LMLN: variants seen among roughly 807,000 people sequenced by gnomAD.
LMLN encodes the protein leishmanolysin like peptidase, also known as leishmanolysin-like peptidase.
In LMLN, 70 loss-of-function variants were observed where a neutral mutation model predicts 92.3. That is an observed-to-expected ratio of 0.76 (90% CI 0.63 to 0.92). The LOEUF (loss-of-function observed/expected upper bound fraction) is 0.92, where lower values mean the gene tolerates loss of function less well. Among genes scored for constraint, LMLN ranks in the 40% least tolerant of loss-of-function variants. The pLI, the probability that LMLN is intolerant of heterozygous loss-of-function variation, is 0.00. For synonymous variants in LMLN, 308 were observed against 296.2 expected (o/e 1.04, Z -0.41); for missense variants, 691 against 814.6 (o/e 0.85, Z 1.85).
At chr3:197,961,129 A>G (rs1005377920) in intron 1 of LMLN, among the ~76,000 whole-genome samples, 2 of 152,218 alleles carry the variant, frequency 1.3e-5, no homozygotes, top group Non-Finnish European at 2.9e-5. Context: ...ATTAAAAAGT[A>G]CATCGTGTCT....
intron 11 of LMLN, among the ~76,000 whole-genome samples, chr3:198,010,931 T>C (rs1722415888): frequency 6.6e-6 from 1 of 152,186 alleles, no homozygotes. Context: ...AATTTTTCTT[T>C]GAGATTCTTC....
chr3:197,984,391 A>G (rs1721640558), intron 7 of LMLN, among the ~76,000 whole-genome samples: 1 of 152,120 alleles, frequency 6.6e-6, no homozygotes, highest in Non-Finnish European at 1.5e-5. Context: ...AAAGATTTAT[A>G]AAGCTTTTTC....
intron 8 of LMLN, among the ~76,000 whole-genome samples, chr3:197,988,017 G>A (rs1721759578): frequency 6.6e-6 from 1 of 152,054 alleles, no homozygotes; most frequent in Admixed American, 6.6e-5. Context: ...CGTTGTAGGA[G>A]TTCTTTATAA....
chr3:198,011,040 T>C (rs6605314), intron 11 of LMLN, among the ~76,000 whole-genome samples: 31,416 of 152,148 alleles, frequency 0.21, 5,239 homozygotes, highest in African/African-American at 0.46. Context: ...GGAGAATATA[T>C]GCTGTATGAT....
At chr3:197,963,783 C>A (rs1720972593) in intron 1 of LMLN, among the ~76,000 whole-genome samples, 1 of 152,138 alleles carries the variant, frequency 6.6e-6, no homozygotes. Context: ...TTTTTTCCCC[C>A]TTATTGCTCT....
chr3:198,038,982 C>CTCATCAGCAACCCAGCCACCT, exon 16 of LMLN: 1 of 297,578 alleles, frequency 3.4e-6, no homozygotes, highest in Non-Finnish European at 6.5e-6. Flanking sequence ...ACCCAACCAC[C>CTCATCAGCAACCCAGCCACCT]TCATCAGCAA....
intron 8 of LMLN, among the ~76,000 whole-genome samples, chr3:197,986,170 C>G (rs1015181674): frequency 1.1e-4 from 16 of 152,160 alleles, no homozygotes; most frequent in Non-Finnish European, 2.1e-4. Flanking sequence ...TCAAAAGCAT[C>G]AAACCTTCCG....
intron 14 of LMLN, among the ~76,000 whole-genome samples, chr3:198,035,525 G>A (rs970174005): frequency 1.3e-5 from 2 of 151,794 alleles, no homozygotes; most frequent in Non-Finnish European, 1.5e-5. Context: ...ACCACGCCCA[G>A]CTAGTTTTTG....
intron 1 of LMLN, among the ~76,000 whole-genome samples, chr3:197,964,912 CAGG>C (rs1294080797): frequency 6.6e-6 from 1 of 150,994 alleles, no homozygotes; most frequent in Non-Finnish European, 1.5e-5. Flanking sequence ...GAGGCTGAGG[CAGG>C]AGAATTGCTT....
At chr3:198,035,062 C>G (rs1202421757) in intron 14 of LMLN, among the ~76,000 whole-genome samples, 1 of 151,846 alleles carries the variant, frequency 6.6e-6, no homozygotes, top group African/African-American at 2.4e-5. Flanking sequence ...ATTAGCCAGG[C>G]ATAGTGGCAC....
chr3:197,984,073 T>C, intron 7 of LMLN, 25 bp downstream of exon 7: 1 of 1,422,380 alleles, frequency 7.0e-7, no homozygotes, highest in Non-Finnish European at 9.9e-7. Context: ...TACTGTTCTT[T>C]CCTTCATGCC....
chr3:197,999,520 T>A, intron 11 of LMLN, 178 bp downstream of exon 11: 1 of 595,050 alleles, frequency 1.7e-6, no homozygotes, highest in South Asian at 2.1e-5. Flanking sequence ...CATTCGTTCA[T>A]TCAATAAATA....
At chr3:198,029,933 C>G (rs1272735925) in intron 14 of LMLN, among the ~76,000 whole-genome samples, 2 of 152,016 alleles carry the variant, frequency 1.3e-5, no homozygotes, top group African/African-American at 4.8e-5. Flanking sequence ...ACCTCCGCTT[C>G]CCAGGTTCAA....
intron 1 of LMLN, among the ~76,000 whole-genome samples, chr3:197,966,239 G>T (rs554259618): frequency 6.6e-6 from 1 of 151,946 alleles, no homozygotes; most frequent in African/African-American, 2.4e-5. Context: ...GACAAGTTTC[G>T]CCATGTTAGC....
chr3:197,980,522 A>T lies in LMLN; in HGVS notation c.728+18A>T. ...ATGGACAGGTAATCTTTCCTCCGGG[A>T]CTTAGTTTCCAAGATCTAATGTGGG... On this transcript the variant is annotated intron_variant, in intron 6 of 15. Coordinates refer to ENST00000330198, the Ensembl canonical transcript of LMLN. 6.2e-7 allele frequency: 1 copy of T among 1,603,904 alleles called. No individual in the cohort carries two copies. Among genetic ancestry groups the T allele is most frequent in the East Asian group, 2.2e-5 (1 of 44,674 alleles).
chr3:197,985,890 G>A, exon 8 of LMLN: 1 of 1,584,034 alleles, frequency 6.3e-7, no homozygotes, highest in Non-Finnish European at 8.7e-7. Flanking sequence ...TTTAATTATA[G>A]GTATTTTTGT....
At chr3:198,024,892 A>G (rs1722885698) in intron 14 of LMLN, 104 bp downstream of exon 15, 6 of 816,280 alleles carry the variant, frequency 7.4e-6, no homozygotes, top group Middle Eastern at 5.6e-4. Flanking sequence ...TCATTAATTT[A>G]CTGATCAATA....
In LMLN at chr3:198,024,638, A is replaced by T; in HGVS notation, c.1526-20A>T. 6.5e-7 allele frequency: 1 copy of T among 1,538,514 alleles called. No homozygotes were observed. The highest frequency in any genetic ancestry group is 1.3e-5 in the South Asian group (1 of 77,730). ...GAGCCAAAAGTCAATTTTTAAGGAGACTTTTCTTCTTTGCCTCAGAAATTT... is the reference window on the plus strand; with the variant it reads ...GAGCCAAAAGTCAATTTTTAAGGAGTCTTTTCTTCTTTGCCTCAGAAATTT... On this transcript the variant is annotated intron_variant, in intron 13 of 15. Transcript: ENST00000330198.
intron 11 of LMLN, chr3:198,003,094 T>G (rs1455420732): frequency 6.4e-7 from 1 of 1,550,542 alleles, no homozygotes; most frequent in African/African-American, 1.4e-5. Context: ...CAGGAAGAGC[T>G]GTAAATTCTG....
Sources: gnomAD v4.1 joint callset for allele counts (sites outside exome capture counted in the v4.1 genomes callset) on GRCh38, gnomAD v4.1.1 for gene constraint, MANE v1.5 for transcripts, NCBI Gene and HGNC (gene_info 2026-07-23, HGNC 2026-07-21) for gene names.